The following KCNIP4 variants were observed in gnomAD, a reference collection of about 807,000 sequenced individuals.
The protein encoded by KCNIP4 is potassium voltage-gated channel interacting protein 4.
A neutral mutation model predicts 34.0 loss-of-function variants in KCNIP4; 12 were observed. That is an observed-to-expected ratio of 0.35 (90% confidence interval 0.23 to 0.57). The LOEUF is 0.57. Ranked by LOEUF, KCNIP4 falls within the 20% of genes least tolerant of loss-of-function variation. KCNIP4 has a pLI of 0.83. For synonymous variants in KCNIP4, 124 were observed against 102.2 expected (o/e 1.21, Z -1.29); for missense variants, 238 against 311.7 (o/e 0.76, Z 1.78).
At chr4:21,646,880 C>T (rs1336140645) in intron 1 of KCNIP4, among the ~76,000 whole-genome samples, 3 of 152,128 alleles carry the variant, frequency 2.0e-5, no homozygotes, top group Non-Finnish European at 4.4e-5. Context: ...TTAGAAGGCA[C>T]AATCTCAAAT....
At chr4:21,641,594 A>T (rs1746620594) in intron 1 of KCNIP4, among the ~76,000 whole-genome samples, 1 of 152,198 alleles carries the variant, frequency 6.6e-6, no homozygotes, top group South Asian at 2.1e-4. Context: ...GTGGATAGAC[A>T]TCTCTGAATG....
At chr4:21,491,479 A>G (rs1260243339) in intron 1 of KCNIP4, among the ~76,000 whole-genome samples, 2 of 151,976 alleles carry the variant, frequency 1.3e-5, no homozygotes, top group African/African-American at 4.8e-5. Context: ...GGTTCAAGTG[A>G]TCCTTCTGCC....
intron 1 of KCNIP4, among the ~76,000 whole-genome samples, chr4:21,571,405 A>G (rs181193904): frequency 6.6e-6 from 1 of 152,316 alleles, no homozygotes; most frequent in East Asian, 1.9e-4. Flanking sequence ...ATAAGAAAGG[A>G]TAGTTAAATG....
At chr4:21,940,639 T>C (rs1044640771) in intron 1 of KCNIP4, among the ~76,000 whole-genome samples, 1 of 152,118 alleles carries the variant, frequency 6.6e-6, no homozygotes, top group Non-Finnish European at 1.5e-5. Context: ...AGGATCTTTA[T>C]AAGCTACAAG....
chr4:20,887,642 C>T (rs531523449), intron 1 of KCNIP4, among the ~76,000 whole-genome samples: 1 of 151,974 alleles, frequency 6.6e-6, no homozygotes, highest in African/African-American at 2.4e-5. Flanking sequence ...AGAATTTTAC[C>T]TATGTTTTTG....
chr4:21,188,764 T>C (rs1208192161), intron 1 of KCNIP4, among the ~76,000 whole-genome samples: 6 of 152,354 alleles, frequency 3.9e-5, no homozygotes, highest in Non-Finnish European at 5.9e-5. Context: ...TTAACCATCA[T>C]GGTAATAGAT....
At chr4:21,916,382 G>C (rs1728632126) in intron 1 of KCNIP4, among the ~76,000 whole-genome samples, 1 of 152,054 alleles carries the variant, frequency 6.6e-6, no homozygotes, top group Admixed American at 6.6e-5. Flanking sequence ...CTGAGGAAAA[G>C]GAAAAAGTCC....
At chr4:20,757,330 C>G (rs1400334108) in intron 4 of KCNIP4, among the ~76,000 whole-genome samples, 1 of 152,174 alleles carries the variant, frequency 6.6e-6, no homozygotes, top group Non-Finnish European at 1.5e-5. Context: ...TAATTAGTCT[C>G]CCTGCCTGCA....
At chr4:21,652,820 G>T (rs191855617) in intron 1 of KCNIP4, among the ~76,000 whole-genome samples, 1 of 152,168 alleles carries the variant, frequency 6.6e-6, no homozygotes, top group South Asian at 2.1e-4. Flanking sequence ...TAGAGCCACC[G>T]TTCAAGTAAT....
intron 2 of KCNIP4, among the ~76,000 whole-genome samples, chr4:20,856,852 C>G (rs1261792855): frequency 6.6e-6 from 1 of 152,064 alleles, no homozygotes; most frequent in African/African-American, 2.4e-5. Flanking sequence ...CTTGTCTAGA[C>G]CTAGTGACCC....
At chr4:21,028,273 C>T (rs530344341) in intron 1 of KCNIP4, among the ~76,000 whole-genome samples, 2 of 152,264 alleles carry the variant, frequency 1.3e-5, no homozygotes. Context: ...TTGGCCTACC[C>T]ACTGTAGTCT....
At chr4:21,857,860 C>T (rs936989419) in intron 1 of KCNIP4, among the ~76,000 whole-genome samples, 15 of 152,296 alleles carry the variant, frequency 9.8e-5, no homozygotes, top group African/African-American at 3.6e-4. Flanking sequence ...CTTCAGGGAG[C>T]CCAGACTTAG....
chr4:21,010,208 A>G (rs1209156106), intron 1 of KCNIP4, among the ~76,000 whole-genome samples: 1 of 152,162 alleles, frequency 6.6e-6, no homozygotes, highest in East Asian at 1.9e-4. Context: ...AAAAAGCACA[A>G]GGCGTCTTCT....
At chr4:21,230,522 T>A (rs1228453521) in intron 1 of KCNIP4, among the ~76,000 whole-genome samples, 1 of 151,814 alleles carries the variant, frequency 6.6e-6, no homozygotes, top group Non-Finnish European at 1.5e-5. Flanking sequence ...GACAGGAGAG[T>A]CAGGGGAGTG....
chr4:21,449,091 AG>A (rs996100232), intron 1 of KCNIP4, among the ~76,000 whole-genome samples: 12 of 152,188 alleles, frequency 7.9e-5, no homozygotes, highest in Non-Finnish European at 1.6e-4. Context: ...TCAGGGGCCC[AG>A]GCCCAGAAGG....
At chr4:21,434,160 T>C (rs193052734) in intron 1 of KCNIP4, among the ~76,000 whole-genome samples, 47 of 152,308 alleles carry the variant, frequency 3.1e-4, no homozygotes, top group South Asian at 6.2e-4. Context: ...TGTTTAAACC[T>C]CAGCATGACG....
intron 3 of KCNIP4, among the ~76,000 whole-genome samples, chr4:20,841,874 G>A (rs888366538): frequency 1.3e-5 from 2 of 152,100 alleles, no homozygotes; most frequent in African/African-American, 4.8e-5. Context: ...CTTGCCTCAT[G>A]ATTTTGGGTT....
intron 1 of KCNIP4, among the ~76,000 whole-genome samples, chr4:20,950,393 C>T (rs1379450690): frequency 3.3e-5 from 5 of 151,966 alleles, no homozygotes; most frequent in Admixed American, 6.6e-5. Context: ...CATTTGATTC[C>T]GTTGTTGTGG....
intron 1 of KCNIP4, among the ~76,000 whole-genome samples, chr4:21,866,758 CTGGATTTTTTTTTTTTTTTTTTTTTTTT>C (rs1432458937): frequency 6.6e-5 from 9 of 136,868 alleles, no homozygotes; most frequent in Non-Finnish European, 1.1e-4. Context: ...ATAGTTCAGC[CTGGATTTTTTTTTTTTTTTTTTTTTTTT>C]TGAGATGGAG....
Sources: allele counts gnomAD v4.1 joint callset (sites outside exome capture counted in the v4.1 genomes callset), GRCh38; gene constraint gnomAD v4.1.1; transcripts MANE v1.5; gene names NCBI Gene and HGNC (gene_info 2026-07-23, HGNC 2026-07-21).